Variants in BCAS3 observed in about 807,000 individuals in gnomAD.
BCAS3 encodes BCAS3 microtubule associated cell migration factor, also known as BCAS4/BCAS3 fusion.
In BCAS3, 53 loss-of-function variants were observed where a neutral mutation model predicts 116.1. The observed-to-expected ratio is 0.46, with a 90% CI of 0.37 to 0.57. The LOEUF (loss-of-function observed/expected upper bound fraction) is 0.57, where lower values mean the gene tolerates loss of function less well. Among genes scored for constraint, BCAS3 ranks in the 20% least tolerant of loss-of-function variants. The probability of loss-of-function intolerance (pLI) is 0.00; values close to 1 mark genes in which losing one functional copy is unlikely to be tolerated. For synonymous variants in BCAS3, 391 were observed against 408.2 expected (o/e 0.96, Z 0.51); for missense variants, 917 against 1,165.4 (o/e 0.79, Z 3.10).
At chr17:60,790,163 T>G (rs2046636173) in intron 6 of BCAS3, among the ~76,000 whole-genome samples, 1 of 152,220 alleles carries the variant, frequency 6.6e-6, no homozygotes, top group Admixed American at 6.5e-5. Flanking sequence ...GTAAGTATTA[T>G]GTGCCTGATC....
Position 61,324,913 on chromosome 17 carries a change from C to G in BCAS3, c.2426-43414C>G, listed in dbSNP as rs990570241. On this transcript the variant is annotated intron_variant, in intron 22 of 23. Transcript: ENST00000407086. This position sits in a 1 kb window ranked among gnomAD's most constrained non-coding sequence, Gnocchi z 4.6. ...TGTTCAAAAGTCTAACCTTCGAAGA[C>G]TTCTAAGAGTTTTAGAAGAAAAGTT... is the stretch of plus-strand genomic sequence containing the variant. Among the ~76,000 whole-genome samples, 1 of 151,862 alleles carries G rather than the reference C, an allele frequency of 6.6e-6. No individual in the cohort carries two copies. The highest frequency in any genetic ancestry group is 1.5e-5 in the Non-Finnish European group (1 of 67,998).
chr17:61,110,358 G>A (rs2074978390), intron 22 of BCAS3, among the ~76,000 whole-genome samples: 2 of 152,234 alleles, frequency 1.3e-5, no homozygotes, highest in Admixed American at 1.3e-4. Context: ...GGGAGTGCCA[G>A]ACAGTGGGCG....
chr17:60,985,141 CTTTTTTTT>C (rs560277871), intron 14 of BCAS3, among the ~76,000 whole-genome samples: 1 of 120,358 alleles, frequency 8.3e-6, no homozygotes. Flanking sequence ...CAACTGTATT[CTTTTTTTT>C]TTTTTTTTTT....
chr17:60,840,471 CAAAG>C (rs1010735353), intron 7 of BCAS3, among the ~76,000 whole-genome samples: 21 of 152,190 alleles, frequency 1.4e-4, no homozygotes, highest in Middle Eastern at 6.8e-3. Context: ...TAGTTTGTGA[CAAAG>C]AAAATGAATT....
chr17:61,127,886 C>T (rs1014426266), intron 22 of BCAS3, among the ~76,000 whole-genome samples: 2 of 151,586 alleles, frequency 1.3e-5, no homozygotes, highest in East Asian at 3.9e-4. Context: ...TGCATACATA[C>T]TGCTTCTGTG....
intron 19 of BCAS3, among the ~76,000 whole-genome samples, chr17:61,059,336 C>G (rs2069740845): frequency 6.6e-6 from 1 of 151,980 alleles, no homozygotes; most frequent in Non-Finnish European, 1.5e-5. Flanking sequence ...CCTGCCTTGG[C>G]CTCCCAAAGT....
rs1280157720 is a variant in BCAS3, at chr17:61,028,460, A to G, written c.1638-6206A>G. Among the ~76,000 whole-genome samples, 3 of 151,934 alleles carry G rather than the reference A, an allele frequency of 2.0e-5. No individual in the cohort carries two copies. Among genetic ancestry groups the G allele is most frequent in the Non-Finnish European group, 4.4e-5 (3 of 67,814 alleles). Reference sequence around the variant, plus strand: ...GTGATCAGTGAATTTTAAATGCCACATTCAACATATGACAAAATTTCTTTG... The same window carrying G: ...GTGATCAGTGAATTTTAAATGCCACGTTCAACATATGACAAAATTTCTTTG... On this transcript the variant is annotated intron_variant, in intron 16 of 23. Transcript: ENST00000407086. This position sits in a 1 kb window ranked among gnomAD's most constrained non-coding sequence, Gnocchi z 4.3.
chr17:61,211,061 GGT>G lies in BCAS3; in HGVS notation c.2425+126499_2425+126500del, dbSNP rs1019222781. Among the ~76,000 whole-genome samples, 3 of 152,050 alleles carry G rather than the reference GGT, an allele frequency of 2.0e-5. No homozygotes were observed. The highest frequency in any genetic ancestry group is 7.2e-5 in the African/African-American group (3 of 41,390). The stretch of plus-strand genomic sequence containing the variant: ...TCCCCAAGCTAGGGTCCCAGCGCTG[GGT>G]GGGGGACAGGAGAAAAGGCCTGAGG... On this transcript the variant is annotated intron_variant, in intron 22 of 23. Transcript: ENST00000407086. The surrounding 1 kb of genome is among the most constrained non-coding windows in gnomAD (Gnocchi z 4.4).
chr17:60,830,267 G>A (rs191738785), intron 7 of BCAS3, among the ~76,000 whole-genome samples: 35 of 152,290 alleles, frequency 2.3e-4, no homozygotes, highest in African/African-American at 7.9e-4. Flanking sequence ...GGGATTATAG[G>A]CGTGAGCCAC....
chr17:60,851,621 G>A, intron 7 of BCAS3: 1 of 671,524 alleles, frequency 1.5e-6, no homozygotes, highest in East Asian at 2.9e-5. Context: ...AAGGGCAAAG[G>A]GGAGCAAAGG....
intron 15 of BCAS3, among the ~76,000 whole-genome samples, chr17:61,000,682 ATGAG>A (rs2064174553): frequency 6.6e-6 from 1 of 152,156 alleles, no homozygotes; most frequent in South Asian, 2.1e-4. Context: ...AACAGAATAA[ATGAG>A]TAATTCACTA....
At chr17:60,719,499 T>G (rs1267542555) in intron 5 of BCAS3, among the ~76,000 whole-genome samples, 1 of 152,252 alleles carries the variant, frequency 6.6e-6, no homozygotes, top group Non-Finnish European at 1.5e-5. Flanking sequence ...CATGCAATCA[T>G]GTATTATTTT....
Position 61,368,609 on chromosome 17 carries a change from G to A in BCAS3, c.2593+115G>A, listed in dbSNP as rs1402390807. ...TTTGTTTTTGCTGTTGGTTTCTTTA[G>A]TTAGCACTCCAGTGGCTATCCGTCT... On this transcript the variant is annotated intron_variant, in intron 23 of 23. Coordinates refer to ENST00000407086, the MANE Select transcript of BCAS3 (RefSeq NM_017679.5). This position sits in a 1 kb window ranked among gnomAD's most constrained non-coding sequence, Gnocchi z 6.0. 1 of 1,234,068 alleles carries A rather than the reference G, an allele frequency of 8.1e-7. No homozygotes were observed. Among genetic ancestry groups the A allele is most frequent in the East Asian group, 2.6e-5 (1 of 38,688 alleles). The allele number at this position is 1,234,068 out of a possible 1,614,324, so 76.4% of individuals were successfully genotyped here. A position where few individuals can be genotyped will look rare whatever the true frequency, so the allele number is the denominator to read the frequency against.
intron 22 of BCAS3, among the ~76,000 whole-genome samples, chr17:61,238,822 T>C (rs959584166): frequency 6.6e-6 from 1 of 151,784 alleles, no homozygotes; most frequent in Non-Finnish European, 1.5e-5. Flanking sequence ...CTGGGAGGGG[T>C]GATTGGCAGG....
chr17:60,715,372 A>G (rs573671347), intron 5 of BCAS3, among the ~76,000 whole-genome samples: 2 of 152,046 alleles, frequency 1.3e-5, no homozygotes, highest in South Asian at 2.1e-4. Context: ...CCTGACTTCA[A>G]GTGATCTGCC....
intron 7 of BCAS3, among the ~76,000 whole-genome samples, chr17:60,845,482 C>A (rs372067891): frequency 6.6e-6 from 1 of 152,176 alleles, no homozygotes; most frequent in African/African-American, 2.4e-5. Context: ...TGCTTATGAT[C>A]CTTAACAGTG....
At position 61,126,944 on chromosome 17, in the gene BCAS3, C is replaced by T. The variant is rs562985408; in HGVS notation, c.2425+42380C>T. 2.8e-4 allele frequency among the ~76,000 whole-genome samples: 42 copies of T among 152,108 alleles called. No homozygotes were observed. Among genetic ancestry groups the T allele is most frequent in the African/African-American group, 9.4e-4 (39 of 41,502 alleles). ...TTTCTTTCTGGGTTATTTTTCCAAG[C>T]GGGTAGTAGAACGCCCAAGGTTATA... On this transcript the variant is annotated intron_variant, in intron 22 of 23. Transcript: ENST00000407086. The surrounding 1 kb of genome is among the most constrained non-coding windows in gnomAD (Gnocchi z 4.6).
chr17:60,990,324 A>T lies in BCAS3; in HGVS notation c.1486+89A>T, dbSNP rs2063445001. ...TCTGGGATAAAACTAAACTTGTTAT[A>T]GTCTGTTCATGTAAAAAGAAGATCT... On this transcript the variant is annotated intron_variant, in intron 15 of 23. Transcript: ENST00000407086. The surrounding 1 kb of genome is among the most constrained non-coding windows in gnomAD (Gnocchi z 5.1). 3 of 1,376,610 alleles carry T rather than the reference A, an allele frequency of 2.2e-6. No homozygotes were observed. The highest frequency in any genetic ancestry group is 3.0e-6 in the Non-Finnish European group (3 of 1,006,016). The allele number at this position is 1,376,610 out of a possible 1,614,324, so 85.3% of individuals were successfully genotyped here. A position where few individuals can be genotyped will look rare whatever the true frequency, so the allele number is the denominator to read the frequency against.
At chr17:61,075,772 G>A (rs2071921357) in intron 20 of BCAS3, among the ~76,000 whole-genome samples, 1 of 152,154 alleles carries the variant, frequency 6.6e-6, no homozygotes, top group South Asian at 2.1e-4. Flanking sequence ...TTCATTATTG[G>A]AAATATAACA....
Sources: allele counts gnomAD v4.1 joint callset (sites outside exome capture counted in the v4.1 genomes callset), GRCh38; gene constraint gnomAD v4.1.1; non-coding constraint Gnocchi (gnomAD v3.1); transcripts MANE v1.5; gene names NCBI Gene and HGNC (gene_info 2026-07-23, HGNC 2026-07-21).